The following MAGI2 variants were observed in gnomAD, a reference collection of about 807,000 sequenced individuals.
MAGI2 encodes membrane-associated guanylate kinase, WW and PDZ domain-containing protein 2.
In MAGI2, 35 loss-of-function variants were observed where a neutral mutation model predicts 133.3. That is an observed-to-expected ratio of 0.26 (90% CI 0.20 to 0.35). The LOEUF is 0.35. Ranked by LOEUF, MAGI2 falls within the 10% of genes least tolerant of loss-of-function variation. The pLI, the probability that MAGI2 is intolerant of heterozygous loss-of-function variation, is 1.00. For missense variants in MAGI2, 1,636 were observed against 1,863.4 expected (o/e 0.88, Z 2.25); for synonymous variants, 729 against 710.6 (o/e 1.03, Z -0.41).
chr7:79,047,537 C>T (rs981067971), intron 1 of MAGI2, among the ~76,000 whole-genome samples: 1 of 151,802 alleles, frequency 6.6e-6, no homozygotes, highest in Non-Finnish European at 1.5e-5. Flanking sequence ...GTGTGTATGT[C>T]TCTGTAACAT....
chr7:78,485,054 C>A (rs1266179922), intron 6 of MAGI2: 1 of 151,888 alleles, frequency 6.6e-6, no homozygotes, highest in African/African-American at 2.4e-5. Flanking sequence ...GGATTCTAAC[C>A]CAGCAATGCT....
intron 2 of MAGI2, among the ~76,000 whole-genome samples, chr7:78,945,971 T>G (rs1478922932): frequency 6.6e-6 from 1 of 152,170 alleles, no homozygotes; most frequent in East Asian, 1.9e-4. Context: ...GAACAATCCT[T>G]CTGAGCAGGA....
chr7:78,940,174 C>A (rs1800857106), intron 2 of MAGI2, among the ~76,000 whole-genome samples: 1 of 151,958 alleles, frequency 6.6e-6, no homozygotes, highest in Non-Finnish European at 1.5e-5. Context: ...GATAACAAGC[C>A]CTTTAAACTA....
At chr7:78,652,132 C>T (rs560889261) in intron 2 of MAGI2, among the ~76,000 whole-genome samples, 3 of 152,112 alleles carry the variant, frequency 2.0e-5, no homozygotes, top group African/African-American at 4.8e-5. Context: ...TACCCTCAAA[C>T]GGGGAGAGAA....
intron 6 of MAGI2, among the ~76,000 whole-genome samples, chr7:78,406,520 G>A (rs1001136169): frequency 7.2e-5 from 11 of 152,014 alleles, no homozygotes; most frequent in Middle Eastern, 3.4e-3. Flanking sequence ...GGTTTCTGCC[G>A]GCTGATATTT....
intron 12 of MAGI2, among the ~76,000 whole-genome samples, chr7:78,193,272 G>C (rs1055302655): frequency 4.6e-5 from 7 of 152,186 alleles, no homozygotes; most frequent in Admixed American, 2.0e-4. Flanking sequence ...CAAAAAGCAG[G>C]AGGAAGCATC....
chr7:78,489,761 C>T lies in MAGI2; in HGVS notation c.1045G>A (p.Glu349Lys). Residue 349 changes from glutamate to lysine, a missense_variant and splice_region_variant, in exon 6 of 22, where the codon GAG becomes AAG. Physicochemically the swap from Glu to Lys is moderately conservative, Grantham distance 56. Transcript: ENST00000354212. ...ACACCATAAAAACTTAATAACCTACCATTTTCTTTGCACTCTTCTGGAGGT... is the reference window on the plus strand; with the variant it reads ...ACACCATAAAAACTTAATAACCTACTATTTTCTTTGCACTCTTCTGGAGGT... ...AKPPEECKEN[E>K]LPYGWEKIDD... 6.2e-7 allele frequency: 1 copy of T among 1,608,922 alleles called. No individual in the cohort carries two copies. The highest frequency in any genetic ancestry group is 8.5e-7 in the Non-Finnish European group (1 of 1,176,042).
chr7:78,353,979 T>C (rs1057459858), intron 7 of MAGI2, among the ~76,000 whole-genome samples: 6 of 152,178 alleles, frequency 3.9e-5, no homozygotes, highest in Admixed American at 1.3e-4. Flanking sequence ...CCATCTTGGA[T>C]GATGTACCTT....
chr7:79,092,425 G>A (rs1477551904), intron 1 of MAGI2, among the ~76,000 whole-genome samples: 1 of 151,604 alleles, frequency 6.6e-6, no homozygotes, highest in Non-Finnish European at 1.5e-5. Flanking sequence ...GAGTTCCAAT[G>A]GGAAAAATAG....
intron 1 of MAGI2, among the ~76,000 whole-genome samples, chr7:79,169,800 G>A (rs1825334614): frequency 1.3e-5 from 2 of 151,986 alleles, no homozygotes; most frequent in South Asian, 4.1e-4. Flanking sequence ...AAACATACCG[G>A]AATCCTGTAG....
At chr7:78,370,378 C>T (rs902038826) in intron 6 of MAGI2, among the ~76,000 whole-genome samples, 3 of 151,912 alleles carry the variant, frequency 2.0e-5, no homozygotes, top group Non-Finnish European at 4.4e-5. Context: ...CAACAGTAGT[C>T]GGCAGCACAG....
At chr7:79,341,002 A>G (rs1279295390) in intron 1 of MAGI2, among the ~76,000 whole-genome samples, 1 of 152,104 alleles carries the variant, frequency 6.6e-6, no homozygotes, top group Admixed American at 6.6e-5. Context: ...ACCTATTATA[A>G]AAATTATTTA....
At chr7:78,610,293 G>A (rs952911539) in intron 3 of MAGI2, among the ~76,000 whole-genome samples, 15 of 152,296 alleles carry the variant, frequency 9.8e-5, no homozygotes, top group Admixed American at 4.6e-4. Flanking sequence ...TGGCCTTGGA[G>A]GAGGACAGGC....
chr7:79,116,498 C>A (rs1269146749), intron 1 of MAGI2, among the ~76,000 whole-genome samples: 2 of 152,160 alleles, frequency 1.3e-5, no homozygotes, highest in Non-Finnish European at 2.9e-5. Flanking sequence ...GGTACAACAG[C>A]CTGTTGTTCA....
chr7:78,225,924 G>T (rs922671610), intron 10 of MAGI2, among the ~76,000 whole-genome samples: 1 of 152,168 alleles, frequency 6.6e-6, no homozygotes, highest in Non-Finnish European at 1.5e-5. Flanking sequence ...AACGCCGAGG[G>T]TGCTGTTCAC....
chr7:78,892,652 G>A (rs1455543561), intron 2 of MAGI2, among the ~76,000 whole-genome samples: 1 of 152,160 alleles, frequency 6.6e-6, no homozygotes, highest in African/African-American at 2.4e-5. Context: ...TTAATAAATG[G>A]TGCTGGGAAA....
chr7:78,273,866 C>T (rs1227507560), intron 9 of MAGI2, among the ~76,000 whole-genome samples: 1 of 152,122 alleles, frequency 6.6e-6, no homozygotes, highest in Non-Finnish European at 1.5e-5. Flanking sequence ...AGCTTCCTTG[C>T]ATTGAGTTAG....
chr7:79,393,389 T>A (rs776983448), intron 1 of MAGI2, among the ~76,000 whole-genome samples: 42 of 152,302 alleles, frequency 2.8e-4, no homozygotes, highest in Middle Eastern at 3.4e-3. Context: ...TTTCATGCAG[T>A]GATTCATCTG....
At chr7:79,216,096 C>G (rs569669752) in intron 1 of MAGI2, among the ~76,000 whole-genome samples, 1 of 151,900 alleles carries the variant, frequency 6.6e-6, no homozygotes, top group East Asian at 1.9e-4. Context: ...ACCATATAAA[C>G]CTCAAACCCA....
Sources: gnomAD v4.1 joint callset for allele counts (sites outside exome capture counted in the v4.1 genomes callset) on GRCh38, gnomAD v4.1.1 for gene constraint, MANE v1.5 for transcripts, NCBI Gene and HGNC (gene_info 2026-07-23, HGNC 2026-07-21) for gene names.